Variants in FAM13B observed in about 807,000 individuals in gnomAD.
FAM13B encodes the protein family with sequence similarity 13 member B, also known as protein FAM13B.
FAM13B carries 60 observed loss-of-function variants against 117.3 expected under a neutral mutation model. The ratio of observed to expected loss-of-function variants is 0.51; its 90% CI spans 0.42 to 0.63. FAM13B has a LOEUF of 0.63. Ranked by LOEUF, FAM13B falls within the 30% of genes least tolerant of loss-of-function variation. The pLI, the probability that FAM13B is intolerant of heterozygous loss-of-function variation, is 0.00. For missense variants in FAM13B, 972 were observed against 1,091.9 expected (o/e 0.89, Z 1.55); for synonymous variants, 332 against 356.1 (o/e 0.93, Z 0.76).
intron 10 of FAM13B, among the ~76,000 whole-genome samples, chr5:137,970,255 G>T (rs557196606): frequency 2.6e-5 from 4 of 151,874 alleles, no homozygotes; most frequent in African/African-American, 4.8e-5. Context: ...GACTAACAGC[G>T]GATCTCTCAG....
chr5:138,003,798 A>G (rs1781858443), intron 7 of FAM13B, among the ~76,000 whole-genome samples: 1 of 152,242 alleles, frequency 6.6e-6, no homozygotes, highest in African/African-American at 2.4e-5. Context: ...GAACTCTCAC[A>G]GCAATAGCCA....
chr5:137,971,052 C>A (rs1449997583), intron 10 of FAM13B, among the ~76,000 whole-genome samples: 1 of 151,760 alleles, frequency 6.6e-6, no homozygotes, highest in Non-Finnish European at 1.5e-5. Context: ...GACAGATCAA[C>A]GAGACAGAAA....
At chr5:137,972,197 G>C (rs1456127254) in intron 10 of FAM13B, among the ~76,000 whole-genome samples, 2 of 149,014 alleles carry the variant, frequency 1.3e-5, no homozygotes, top group African/African-American at 4.9e-5. Context: ...GATGAACATT[G>C]ATGCAAAAAT....
rs573338968 is a variant in FAM13B at position 137,998,249 on chromosome 5, G to A, written c.848+8741C>T. On this transcript the variant is annotated intron_variant, in intron 7 of 23. Transcript: ENST00000689681. ...TGCAAAATCAATGGTAGAAAAAGCT[G>A]CTTGGGGTCTTAGCATAAGTCCAGA... Among the ~76,000 whole-genome samples the A allele has an allele frequency of 1.8e-4, 27 of 152,326 alleles. No homozygotes were observed. In the South Asian group the frequency reaches 4.3e-3, roughly 25 times the overall value.
At chr5:137,954,060 T>TTTTTTG in intron 15 of FAM13B, 106 bp downstream of exon 15, 1 of 523,716 alleles carries the variant, frequency 1.9e-6, no homozygotes, top group Non-Finnish European at 3.2e-6. Flanking sequence ...TTTTTTTTTT[T>TTTTTTG]GAGATGGAGT....
intron 1 of FAM13B, among the ~76,000 whole-genome samples, chr5:138,025,288 CATATAT>C (rs67314207): frequency 0.61 from 56,019 of 92,444 alleles, 18,540 homozygotes; most frequent in East Asian, 0.9. Flanking sequence ...CAAACAAAGC[CATATAT>C]ATATATATAT....
At chr5:137,944,703 A>G (rs1381269973) in intron 20 of FAM13B, among the ~76,000 whole-genome samples, 1 of 151,716 alleles carries the variant, frequency 6.6e-6, no homozygotes, top group East Asian at 1.9e-4. Context: ...GGTTGCAGTG[A>G]GCTGAGATCA....
At chr5:137,974,226 C>A (rs1365520790) in intron 10 of FAM13B, among the ~76,000 whole-genome samples, 1 of 151,476 alleles carries the variant, frequency 6.6e-6, no homozygotes, top group Non-Finnish European at 1.5e-5. Flanking sequence ...CAATGATAGA[C>A]TGGATTAAGA....
In FAM13B at chr5:138,011,904, G is replaced by A; in HGVS notation, c.412C>T (p.Leu138Phe). The part of the protein sequence containing the change: ...EDEFGRKLRF[L>F]LQQLPPVNYS... ...TTAACAGGTGGAAGCTGTTGCAAGA[G>A]GAACCTCAACTTTCTTCCAAATTCA... The change falls in exon 5 of 24, where the codon CTC becomes TTC. Residue 138 changes from leucine to phenylalanine, a missense_variant. By Grantham distance (22) the Leu-to-Phe change is conservative. Transcript: ENST00000689681. 1.3e-6 allele frequency: 2 copies of A among 1,594,324 alleles called. No homozygotes were observed. Among genetic ancestry groups the A allele is most frequent in the Non-Finnish European group, 1.7e-6 (2 of 1,174,294 alleles).
intron 17 of FAM13B, among the ~76,000 whole-genome samples, chr5:137,951,293 G>A (rs1464127124): frequency 1.3e-5 from 2 of 151,040 alleles, no homozygotes; most frequent in Non-Finnish European, 2.9e-5. Flanking sequence ...ATGACAGCAG[G>A]GACTCTGTCT....
chr5:137,988,983 G>C (rs780767366), intron 7 of FAM13B, among the ~76,000 whole-genome samples: 1 of 152,164 alleles, frequency 6.6e-6, no homozygotes. Flanking sequence ...ACTGGATTTA[G>C]GTGAACAGTA....
At chr5:137,956,642 T>C (rs1288055304) in intron 13 of FAM13B, 100 bp from the exon 14 acceptor site, 1 of 708,896 alleles carries the variant, frequency 1.4e-6, no homozygotes, top group African/African-American at 1.9e-5. Flanking sequence ...ACCAAAAACA[T>C]TTCCCTAAAA....
intron 10 of FAM13B, among the ~76,000 whole-genome samples, chr5:137,975,520 TTCTG>T (rs1178161301): frequency 6.7e-6 from 1 of 149,412 alleles, no homozygotes; most frequent in Non-Finnish European, 1.5e-5. Context: ...GGTGACTCAG[TTCTG>T]TCTGATTTCT....
Position 137,960,190 on chromosome 5 carries a change from A to G in FAM13B, c.1269T>C (p.Ser423=). The change falls in exon 12 of 24, where the codon AGT becomes AGC. Residue 423 remains serine (S), a synonymous_variant. Coordinates refer to ENST00000689681, the MANE Select transcript of FAM13B (RefSeq NM_001385994.1). ...CCAGAATCAAGTGTGACAATTTATC[A>G]CTGTCAAATAACAAATATTCTTCCC... ...LEREEYLLFD[S]DKLSHLILDS... is the part of the protein sequence containing the mutation. 1 of 1,532,962 alleles carries G rather than the reference A, an allele frequency of 6.5e-7. No homozygotes were observed. Among genetic ancestry groups the G allele is most frequent in the Non-Finnish European group, 8.9e-7 (1 of 1,120,236 alleles). 95.0% of individuals were successfully genotyped at this position (1,532,962 alleles called of 1,614,324 possible). A position where few individuals can be genotyped will look rare whatever the true frequency, so the allele number is the denominator to read the frequency against.
intron 2 of FAM13B, 34 bp downstream of exon 2, chr5:138,020,997 A>G: frequency 1.6e-6 from 2 of 1,223,606 alleles, no homozygotes; most frequent in Non-Finnish European, 2.0e-6. Flanking sequence ...ATGGATTTAT[A>G]GAGCACGAGA....
Position 137,939,698 on chromosome 5 carries a change from G to A in FAM13B, c.*527C>T. The stretch of plus-strand genomic sequence containing the variant: ...GAATTAAACAGAAAGGTGTTCCATA[G>A]TACGACTTGAAATCTCAGTTTGATT... On this transcript the variant is annotated 3_prime_UTR_variant, in exon 24 of 24. Transcript: ENST00000689681. 1 of 228,118 alleles carries A rather than the reference G, an allele frequency of 4.4e-6. No individual in the cohort carries two copies. The highest frequency in any genetic ancestry group is 7.8e-6 in the Non-Finnish European group (1 of 128,242). The allele number at this position is 228,118 out of a possible 1,614,324, so 14.1% of individuals were successfully genotyped here. A position where few individuals can be genotyped will look rare whatever the true frequency, so the allele number is the denominator to read the frequency against.
intron 7 of FAM13B, among the ~76,000 whole-genome samples, chr5:137,993,773 C>G (rs1321958382): frequency 6.6e-6 from 1 of 151,848 alleles, no homozygotes; most frequent in Non-Finnish European, 1.5e-5. Flanking sequence ...GGTGACAGAG[C>G]AAGACTCCGC....
intron 1 of FAM13B, among the ~76,000 whole-genome samples, chr5:138,022,005 T>A (rs543896137): frequency 6.6e-6 from 1 of 151,944 alleles, no homozygotes; most frequent in Non-Finnish European, 1.5e-5. Flanking sequence ...TCCCAGCTAC[T>A]TGGAAGGCTG....
intron 1 of FAM13B, among the ~76,000 whole-genome samples, chr5:138,031,700 A>AG (rs1390081166): frequency 6.6e-6 from 1 of 151,950 alleles, no homozygotes; most frequent in Non-Finnish European, 1.5e-5. Flanking sequence ...AAAAAAAAAA[A>AG]GTAAGAAGGC....
Sources: allele counts gnomAD v4.1 joint callset (sites outside exome capture counted in the v4.1 genomes callset), GRCh38; gene constraint gnomAD v4.1.1; transcripts MANE v1.5; gene names NCBI Gene and HGNC (gene_info 2026-07-23, HGNC 2026-07-21).